Variants in FBXO42 observed in about 807,000 individuals in gnomAD.
FBXO42 encodes F-box protein 42, also known as F-box only protein 42.
A neutral mutation model predicts 71.7 loss-of-function variants in FBXO42; 12 were observed. The observed-to-expected ratio is 0.17, with a 90% CI of 0.11 to 0.27. The LOEUF is 0.27. FBXO42 is among the 10% of genes least tolerant of loss of function. The pLI, the probability that FBXO42 is intolerant of heterozygous loss-of-function variation, is 1.00. For missense variants in FBXO42, 707 were observed against 911.9 expected, an observed-to-expected ratio of 0.78 and a Z score of 2.89; for synonymous variants, 325 against 327.5, an observed-to-expected ratio of 0.99 and a Z score of 0.08.
chr1:16,342,371 G>C (rs2082612457), intron 1 of FBXO42, among the ~76,000 whole-genome samples: 1 of 147,544 alleles, frequency 6.8e-6, no homozygotes, highest in Admixed American at 6.9e-5. Context: ...ACTCCAGCCT[G>C]GGCAAGAAGA....
chr1:16,297,625 G>T (rs1256184112), intron 3 of FBXO42, among the ~76,000 whole-genome samples: 1 of 152,048 alleles, frequency 6.6e-6, no homozygotes, highest in Non-Finnish European at 1.5e-5. Context: ...ACTTTGGGAG[G>T]CCGAGGCAGG....
intron 1 of FBXO42, among the ~76,000 whole-genome samples, chr1:16,341,988 A>C (rs1440308571): frequency 6.8e-6 from 1 of 146,182 alleles, no homozygotes; most frequent in Non-Finnish European, 1.5e-5. Flanking sequence ...AAAAAAAAAA[A>C]GTTCTGGGCC....
At chr1:16,315,976 G>A (rs2082359427) in intron 1 of FBXO42, among the ~76,000 whole-genome samples, 2 of 151,994 alleles carry the variant, frequency 1.3e-5, no homozygotes, top group African/African-American at 2.4e-5. Flanking sequence ...TTTGAGACCA[G>A]CCTGACAAAC....
At chr1:16,337,503 T>C (rs2082562011) in intron 1 of FBXO42, among the ~76,000 whole-genome samples, 2 of 152,116 alleles carry the variant, frequency 1.3e-5, no homozygotes, top group African/African-American at 4.8e-5. Flanking sequence ...AGAACCAGAT[T>C]TGAACCCAAT....
In FBXO42 at chr1:16,252,245, T is replaced by C; in HGVS notation, c.1038+43A>G. ...GACAAAGTAATGTGGTTTTCCACAATTTAGGACCTGTCCTCCTGCTAGCCT... is the reference window on the plus strand; with the variant it reads ...GACAAAGTAATGTGGTTTTCCACAACTTAGGACCTGTCCTCCTGCTAGCCT... On this transcript the variant is annotated intron_variant, in intron 9 of 9. Transcript: ENST00000375592. The surrounding 1 kb of genome is among the most constrained non-coding windows in gnomAD (Gnocchi z 4.4). 1 of 1,457,940 alleles carries C rather than the reference T, an allele frequency of 6.9e-7. No individual in the cohort carries two copies. Among genetic ancestry groups the C allele is most frequent in the South Asian group, 1.1e-5 (1 of 88,010 alleles). The allele number at this position is 1,457,940 out of a possible 1,614,324, so 90.3% of individuals were successfully genotyped here.
In FBXO42 at chr1:16,251,562, G is replaced by T. The variant is rs532744461; in HGVS notation, c.1262C>A (p.Ser421Ter). ...LRPRAQRQTP[S>*]GSREGSLSPA... ...GGAAAGGCTCCCTTCCCGGGAACCTGAAGGAGTCTGCCTTTGAGCCCTGGG... is the reference window on the plus strand; with the variant it reads ...GGAAAGGCTCCCTTCCCGGGAACCTTAAGGAGTCTGCCTTTGAGCCCTGGG... Residue 421 changes from serine (S) to a stop codon, truncating the protein, a stop_gained, in exon 10 of 10, where the codon TCA becomes TAA. Transcript: ENST00000375592. LOFTEE classifies it high-confidence loss of function. This position sits in a 1 kb window ranked among gnomAD's most constrained non-coding sequence, Gnocchi z 4.5. The T allele has an allele frequency of 4.0e-5, 64 of 1,614,042 alleles. No individual in the cohort carries two copies. The highest frequency in any genetic ancestry group is 5.2e-5 in the Non-Finnish European group (61 of 1,180,026).
At chr1:16,307,139 G>A (rs1052606455) in intron 2 of FBXO42, among the ~76,000 whole-genome samples, 9 of 152,016 alleles carry the variant, frequency 5.9e-5, no homozygotes, top group African/African-American at 1.9e-4. Flanking sequence ...CGATCCACCC[G>A]CCTAAGCCTC....
chr1:16,267,701 T>C (rs2081793928), intron 4 of FBXO42, among the ~76,000 whole-genome samples: 2 of 152,230 alleles, frequency 1.3e-5, no homozygotes, highest in South Asian at 4.1e-4. Flanking sequence ...AAGTTACTGA[T>C]TGACATCAAC....
intron 1 of FBXO42, among the ~76,000 whole-genome samples, chr1:16,347,656 A>G (rs2082663630): frequency 6.6e-6 from 1 of 152,218 alleles, no homozygotes. Context: ...GGAGCTCCAG[A>G]CCAGCTTGGC....
At chr1:16,319,101 G>A (rs1057437541) in intron 1 of FBXO42, among the ~76,000 whole-genome samples, 2 of 152,194 alleles carry the variant, frequency 1.3e-5, no homozygotes, top group African/African-American at 2.4e-5. Context: ...TAGCACTGAT[G>A]AAAGGAAGAA....
intron 3 of FBXO42, among the ~76,000 whole-genome samples, chr1:16,304,699 T>C (rs1406277131): frequency 2.6e-5 from 4 of 152,128 alleles, no homozygotes; most frequent in African/African-American, 9.6e-5. Context: ...CTGGGCGCGG[T>C]GGCTCACACC....
intron 3 of FBXO42, among the ~76,000 whole-genome samples, chr1:16,298,172 GCTGAGATTGCGC>G (rs1400924127): frequency 1.3e-5 from 2 of 152,154 alleles, no homozygotes; most frequent in Non-Finnish European, 2.9e-5. Context: ...GTTGCAGCGA[GCTGAGATTGCGC>G]CACTGCACCC....
At chr1:16,253,503 C>G (rs945172909) in intron 7 of FBXO42, 132 bp downstream of exon 7, 42 of 708,592 alleles carry the variant, frequency 5.9e-5, no homozygotes, top group Middle Eastern at 4.8e-4. Context: ...AAATAAATAC[C>G]AGTAAAAAAG....
chr1:16,295,470 A>G (rs1455023973), intron 3 of FBXO42, among the ~76,000 whole-genome samples: 1 of 151,946 alleles, frequency 6.6e-6, no homozygotes, highest in East Asian at 1.9e-4. Flanking sequence ...GGCTCACTGC[A>G]ACATCTGCCT....
At chr1:16,256,413 G>C (rs1035361303) in intron 5 of FBXO42, among the ~76,000 whole-genome samples, 193 bp downstream of exon 5, 1 of 152,086 alleles carries the variant, frequency 6.6e-6, no homozygotes, top group African/African-American at 2.4e-5. Flanking sequence ...TAAATGCAGG[G>C]TTCTAAGAGA....
chr1:16,265,566 C>T (rs964119054), intron 4 of FBXO42, among the ~76,000 whole-genome samples: 2 of 151,374 alleles, frequency 1.3e-5, no homozygotes, highest in African/African-American at 2.4e-5. Context: ...TATTACTAGC[C>T]TCATTTTACA....
At chr1:16,295,688 C>T (rs767018847) in intron 3 of FBXO42, among the ~76,000 whole-genome samples, 3 of 152,050 alleles carry the variant, frequency 2.0e-5, no homozygotes, top group Non-Finnish European at 4.4e-5. Flanking sequence ...CCACCATGCC[C>T]GGCCAATAAA....
At chr1:16,331,941 C>T (rs1206492337) in intron 1 of FBXO42, among the ~76,000 whole-genome samples, 1 of 151,096 alleles carries the variant, frequency 6.6e-6, no homozygotes, top group Non-Finnish European at 1.5e-5. Context: ...TCCCAGCACT[C>T]GGGAAGCTGA....
chr1:16,257,259 C>CTCTGGCCTG (rs1486345665), intron 4 of FBXO42, among the ~76,000 whole-genome samples: 1 of 152,112 alleles, frequency 6.6e-6, no homozygotes, highest in Non-Finnish European at 1.5e-5. Context: ...TTACAAAACA[C>CTCTGGCCTG]AGGTAAGAAA....
Sources: gnomAD v4.1 joint callset for allele counts (sites outside exome capture counted in the v4.1 genomes callset) on GRCh38, gnomAD v4.1.1 for gene constraint, Gnocchi (gnomAD v3.1) non-coding constraint, MANE v1.5 for transcripts, NCBI Gene and HGNC (gene_info 2026-07-23, HGNC 2026-07-21) for gene names.